The following NRXN3 variants were observed in gnomAD, a reference collection of about 807,000 sequenced individuals.
NRXN3 encodes neurexin 3.
Under a neutral mutation model 137.6 loss-of-function variants are expected in NRXN3, and 32 were observed. That is an observed-to-expected ratio of 0.23 (90% confidence interval 0.18 to 0.31). The LOEUF is 0.31. Ranked by LOEUF, NRXN3 falls within the 10% of genes least tolerant of loss-of-function variation. The pLI, the probability that NRXN3 is intolerant of heterozygous loss-of-function variation, is 1.00. For missense variants in NRXN3, 1,574 were observed against 2,062.5 expected, an observed-to-expected ratio of 0.76 and a Z score of 4.59; for synonymous variants, 798 against 784.5, an observed-to-expected ratio of 1.02 and a Z score of -0.29.
intron 16 of NRXN3, among the ~76,000 whole-genome samples, chr14:79,563,568 G>C (rs570601376): frequency 6.6e-6 from 1 of 151,498 alleles, no homozygotes; most frequent in Non-Finnish European, 1.5e-5. Context: ...ACTAGTTAAC[G>C]GTAGGATTTT....
At chr14:78,649,981 A>C (rs2097724842) in intron 5 of NRXN3, among the ~76,000 whole-genome samples, 1 of 152,050 alleles carries the variant, frequency 6.6e-6, no homozygotes, top group Non-Finnish European at 1.5e-5. Flanking sequence ...CATTACTAAC[A>C]ACCTACCAAT....
chr14:78,370,911 T>A (rs2153616291), intron 4 of NRXN3, among the ~76,000 whole-genome samples: 1 of 152,332 alleles, frequency 6.6e-6, no homozygotes, highest in East Asian at 1.9e-4. Flanking sequence ...AAGAATTAAT[T>A]CATCAAACTA....
intron 1 of NRXN3, among the ~76,000 whole-genome samples, chr14:78,176,333 G>A (rs2059263783): frequency 1.3e-5 from 2 of 150,732 alleles, no homozygotes; most frequent in African/African-American, 4.9e-5. Flanking sequence ...TCGTGATATA[G>A]CTATCATTTC....
intron 4 of NRXN3, chr14:78,615,074 T>C (rs1199698410): frequency 2.6e-5 from 12 of 456,566 alleles, no homozygotes; most frequent in Non-Finnish European, 5.3e-5. Flanking sequence ...ATTAGGCTAA[T>C]TGTCCCTTAC....
chr14:78,949,291 T>C (rs989126189), intron 10 of NRXN3, among the ~76,000 whole-genome samples: 1 of 152,162 alleles, frequency 6.6e-6, no homozygotes, highest in African/African-American at 2.4e-5. Context: ...TATTCATCCA[T>C]TTCTATGTAT....
rs74065913 is a variant in NRXN3 at position 78,217,306 on chromosome 14, G to A, written c.-703-25085G>A. On this transcript the variant is annotated intron_variant, in intron 1 of 20. Coordinates refer to ENST00000335750, the MANE Select transcript of NRXN3 (RefSeq NM_001330195.2). ...TAAGAACAAAAATATTACAAATGTAGATTTAAAAATTATTGTTAACCATCT... is the reference window on the plus strand; with the variant it reads ...TAAGAACAAAAATATTACAAATGTAAATTTAAAAATTATTGTTAACCATCT... 7.9e-3 allele frequency among the ~76,000 whole-genome samples: 1,203 copies of A among 152,206 alleles called. 15 individuals are homozygous for A. Among genetic ancestry groups the A allele is most frequent in the African/African-American group, 0.028 (1,143 of 41,522 alleles).
chr14:78,458,062 A>ACTT (rs2094802004), intron 4 of NRXN3, among the ~76,000 whole-genome samples: 1 of 151,970 alleles, frequency 6.6e-6, no homozygotes, highest in Non-Finnish European at 1.5e-5. Flanking sequence ...TTACTCTAGA[A>ACTT]TATGAGCAAA....
intron 9 of NRXN3, among the ~76,000 whole-genome samples, chr14:78,805,372 A>G (rs1596025280): frequency 6.6e-6 from 1 of 151,944 alleles, no homozygotes; most frequent in South Asian, 2.1e-4. Flanking sequence ...GCCATCAACC[A>G]TGGTAAATCA....
intron 16 of NRXN3, among the ~76,000 whole-genome samples, chr14:79,621,558 A>G (rs78893700): frequency 0.1 from 15,315 of 152,166 alleles, 878 homozygotes; most frequent in Middle Eastern, 0.24. Context: ...TGTAATTGCT[A>G]TGTTCTTGAC....
At chr14:78,335,066 C>T (rs139436648) in intron 4 of NRXN3, among the ~76,000 whole-genome samples, 1 of 152,114 alleles carries the variant, frequency 6.6e-6, no homozygotes, top group Non-Finnish European at 1.5e-5. Flanking sequence ...CACCCCAAGG[C>T]CACTCTTCTC....
intron 4 of NRXN3, among the ~76,000 whole-genome samples, chr14:78,373,772 A>C (rs2087292917): frequency 6.6e-6 from 1 of 152,178 alleles, no homozygotes; most frequent in African/African-American, 2.4e-5. Context: ...TTCCTGGCAG[A>C]GCTATTGAGA....
chr14:79,589,463 G>C (rs2097785720), intron 16 of NRXN3, among the ~76,000 whole-genome samples: 1 of 145,374 alleles, frequency 6.9e-6, no homozygotes, highest in African/African-American at 2.6e-5. Context: ...CCAGTTGTTT[G>C]GGGCCCACAA....
intron 4 of NRXN3, among the ~76,000 whole-genome samples, chr14:78,442,802 G>C (rs1217459380): frequency 6.6e-6 from 1 of 152,212 alleles, no homozygotes; most frequent in African/African-American, 2.4e-5. Context: ...CATAAGGACA[G>C]GGCCTTGTCA....
chr14:78,947,312 C>T (rs890777291), intron 10 of NRXN3, among the ~76,000 whole-genome samples: 1 of 152,144 alleles, frequency 6.6e-6, no homozygotes, highest in Non-Finnish European at 1.5e-5. Flanking sequence ...ATATTTAGTA[C>T]TTTCTATTGT....
chr14:79,453,695 G>A (rs2096212965), intron 15 of NRXN3, among the ~76,000 whole-genome samples: 1 of 152,180 alleles, frequency 6.6e-6, no homozygotes, highest in African/African-American at 2.4e-5. Flanking sequence ...AGCTCAAAAT[G>A]AAACTAACAC....
intron 4 of NRXN3, among the ~76,000 whole-genome samples, chr14:78,564,654 C>A (rs530783191): frequency 6.6e-6 from 1 of 152,148 alleles, no homozygotes; most frequent in Non-Finnish European, 1.5e-5. Context: ...GAAGGTCCTT[C>A]GATCTGGTCT....
chr14:78,814,612 T>TCAAAAA (rs1384078174), intron 10 of NRXN3, among the ~76,000 whole-genome samples: 5 of 152,138 alleles, frequency 3.3e-5, no homozygotes, highest in African/African-American at 9.7e-5. Context: ...AGACTCCATC[T>TCAAAAA]CAAAAACAAA....
chr14:79,083,255 T>G (rs1196142678), intron 15 of NRXN3, among the ~76,000 whole-genome samples: 1 of 152,112 alleles, frequency 6.6e-6, no homozygotes, highest in Non-Finnish European at 1.5e-5. Context: ...ATTGGCAGAG[T>G]GAAGAAGACT....
intron 15 of NRXN3, among the ~76,000 whole-genome samples, chr14:79,388,404 G>A (rs2094717418): frequency 6.6e-6 from 1 of 150,452 alleles, no homozygotes; most frequent in East Asian, 2.0e-4. Flanking sequence ...ATATTTAGAT[G>A]CTACTATTAG....
Sources: gnomAD v4.1 joint callset for allele counts (sites outside exome capture counted in the v4.1 genomes callset) on GRCh38, gnomAD v4.1.1 for gene constraint, MANE v1.5 for transcripts, NCBI Gene and HGNC (gene_info 2026-07-23, HGNC 2026-07-21) for gene names.